The following FGD4 variants were observed in gnomAD, a reference collection of about 807,000 sequenced individuals.
FGD4 encodes FYVE, RhoGEF and PH domain containing 4.
In FGD4, 42 loss-of-function variants were observed where a neutral mutation model predicts 102.0. The observed-to-expected ratio is 0.41, with a 90% confidence interval of 0.32 to 0.53. The LOEUF (loss-of-function observed/expected upper bound fraction) is 0.53. Among genes scored for constraint, FGD4 ranks in the 20% least tolerant of loss-of-function variants. FGD4 has a pLI of 0.21. For missense variants in FGD4, 902 were observed against 1,078.2 expected (o/e 0.84, Z 2.29); for synonymous variants, 380 against 375.7 (o/e 1.01, Z -0.13).
chr12:32,548,902 A>G (rs1308991751), intron 1 of FGD4, among the ~76,000 whole-genome samples: 1 of 152,246 alleles, frequency 6.6e-6, no homozygotes, highest in African/African-American at 2.4e-5. Flanking sequence ...AGGGCACCCA[A>G]GATGATTACC....
intron 1 of FGD4, among the ~76,000 whole-genome samples, chr12:32,558,322 C>G (rs1279917216): frequency 6.6e-6 from 1 of 152,150 alleles, no homozygotes; most frequent in East Asian, 1.9e-4. Flanking sequence ...AGATCGTCTA[C>G]CCTAGAAAAC....
intron 8 of FGD4, among the ~76,000 whole-genome samples, chr12:32,608,744 C>T (rs992466336): frequency 6.6e-6 from 1 of 152,092 alleles, no homozygotes; most frequent in Non-Finnish European, 1.5e-5. Flanking sequence ...ATAACAGTGG[C>T]TTGATATTCA....
chr12:32,453,768 G>A (rs1407613592), intron 1 of FGD4, among the ~76,000 whole-genome samples: 2 of 152,070 alleles, frequency 1.3e-5, no homozygotes, highest in African/African-American at 4.8e-5. Flanking sequence ...TTTAGATTGA[G>A]GAGGGAAGGC....
chr12:32,633,380 G>A (rs1174294489), intron 14 of FGD4, among the ~76,000 whole-genome samples, 169 bp from the exon 15 acceptor site: 1 of 152,150 alleles, frequency 6.6e-6, no homozygotes, highest in Non-Finnish European at 1.5e-5. Flanking sequence ...CACAAACAGG[G>A]TTGAAACACC....
chr12:32,612,988 A>G (rs1949240580), intron 10 of FGD4, among the ~76,000 whole-genome samples: 1 of 152,066 alleles, frequency 6.6e-6, no homozygotes, highest in African/African-American at 2.4e-5. Flanking sequence ...TCCTTTCTAT[A>G]TCTAATAAGA....
chr12:32,523,796 A>T (rs1357401470), intron 1 of FGD4, among the ~76,000 whole-genome samples: 1 of 151,540 alleles, frequency 6.6e-6, no homozygotes, highest in African/African-American at 2.4e-5. Context: ...AACACGGTGA[A>T]ACCCCGACTC....
chr12:32,485,792 T>C, intron 1 of FGD4: 1 of 947,230 alleles, frequency 1.1e-6, no homozygotes, highest in Non-Finnish European at 1.3e-6. Context: ...ATGCCATAAA[T>C]GTAATAAAGT....
intron 1 of FGD4, among the ~76,000 whole-genome samples, chr12:32,529,629 G>A (rs570943424): frequency 2.0e-5 from 3 of 151,204 alleles, no homozygotes; most frequent in African/African-American, 7.3e-5. Context: ...CGGATCATGA[G>A]GTCAGGAGCT....
At chr12:32,558,317 G>A (rs964044361) in intron 1 of FGD4, among the ~76,000 whole-genome samples, 2 of 152,144 alleles carry the variant, frequency 1.3e-5, no homozygotes, top group Non-Finnish European at 1.5e-5. Flanking sequence ...CATAAAGATC[G>A]TCTACCCTAG....
Position 32,480,892 on chromosome 12 carries a change from G to A in FGD4, c.166+80933G>A, listed in dbSNP as rs995416860. The stretch of plus-strand genomic sequence containing the variant: ...CATTATGGCTCACTACAGCCTTGAC[G>A]TCCTGGGCTTAAATGATGCTCTCAC... On this transcript the variant is annotated intron_variant, in intron 1 of 16. Coordinates refer to ENST00000534526, the MANE Select transcript of FGD4 (RefSeq NM_001370298.3). 2.0e-4 allele frequency among the ~76,000 whole-genome samples: 30 copies of A among 150,564 alleles called. 1 individual carries two copies. The highest frequency in any genetic ancestry group is 4.4e-4 in the African/African-American group (18 of 40,870).
chr12:32,624,652 T>A (rs1950040651), intron 12 of FGD4, 200 bp downstream of exon 12: 1 of 684,066 alleles, frequency 1.5e-6, no homozygotes, highest in Admixed American at 2.1e-5. Flanking sequence ...TTTTTTGTAT[T>A]TCGTAGAGAC....
intron 1 of FGD4, among the ~76,000 whole-genome samples, chr12:32,521,689 ATT>A (rs1216196235): frequency 6.6e-6 from 1 of 152,202 alleles, no homozygotes; most frequent in Non-Finnish European, 1.5e-5. Flanking sequence ...TTTAAAAAAT[ATT>A]GTTTTCTAGT....
chr12:32,493,504 G>A (rs1041024539), intron 1 of FGD4, among the ~76,000 whole-genome samples: 21 of 152,198 alleles, frequency 1.4e-4, no homozygotes, highest in Non-Finnish European at 2.4e-4. Flanking sequence ...TGCTTGACCT[G>A]CTTCAGACAC....
chr12:32,517,532 T>C (rs1445297935), intron 1 of FGD4, among the ~76,000 whole-genome samples: 1 of 152,210 alleles, frequency 6.6e-6, no homozygotes, highest in African/African-American at 2.4e-5. Flanking sequence ...AGTATCATAG[T>C]TGATGTCCCA....
At chr12:32,424,059 C>G (rs922052306) in intron 1 of FGD4, among the ~76,000 whole-genome samples, 2 of 151,874 alleles carry the variant, frequency 1.3e-5, no homozygotes, top group Admixed American at 1.3e-4. Flanking sequence ...ACAGAATTTC[C>G]TGCTATTTAT....
At position 32,424,478 on chromosome 12, in the gene FGD4, C is replaced by T. The variant is rs565369473; in HGVS notation, c.166+24519C>T. Among the ~76,000 whole-genome samples the T allele has an allele frequency of 7.2e-5, 11 of 152,244 alleles. No homozygotes were observed. In the East Asian group the frequency reaches 2.1e-3, roughly 29 times the overall value. ...CTTTATCCAGTCTATCATTGATGGA[C>T]ATTTGGGTTGGTTCCAAGTCTTTGC... On this transcript the variant is annotated intron_variant, in intron 1 of 16. Transcript: ENST00000534526.
At chr12:32,576,732 C>G (rs1946156709) in intron 3 of FGD4, among the ~76,000 whole-genome samples, 1 of 152,142 alleles carries the variant, frequency 6.6e-6, no homozygotes, top group Non-Finnish European at 1.5e-5. Flanking sequence ...TCCTCTGTAT[C>G]TCTGTGTGTC....
At chr12:32,564,803 G>A (rs1945047981) in intron 2 of FGD4, among the ~76,000 whole-genome samples, 1 of 152,182 alleles carries the variant, frequency 6.6e-6, no homozygotes, top group African/African-American at 2.4e-5. Flanking sequence ...TGGCCAGTGA[G>A]GGTAAAGAAA....
chr12:32,517,976 T>C (rs1174081162), intron 1 of FGD4, among the ~76,000 whole-genome samples: 1 of 145,508 alleles, frequency 6.9e-6, no homozygotes, highest in African/African-American at 2.5e-5. Context: ...TTTTTTTGCA[T>C]GTAACATTTA....
Sources: allele counts gnomAD v4.1 joint callset (sites outside exome capture counted in the v4.1 genomes callset), GRCh38; gene constraint gnomAD v4.1.1; transcripts MANE v1.5; gene names NCBI Gene and HGNC (gene_info 2026-07-23, HGNC 2026-07-21).